MAP4K4: variants seen among roughly 807,000 people sequenced by gnomAD.
MAP4K4 encodes mitogen-activated protein kinase kinase kinase kinase 4.
Under a neutral mutation model 189.6 loss-of-function variants are expected in MAP4K4, and 38 were observed. That is an observed-to-expected ratio of 0.20 (90% confidence interval 0.15 to 0.26). MAP4K4 has a LOEUF of 0.26. MAP4K4 is among the 10% of genes least tolerant of loss of function. The pLI, the probability that MAP4K4 is intolerant of heterozygous loss-of-function variation, is 1.00. For missense variants in MAP4K4, 1,054 were observed against 1,726.9 expected (o/e 0.61, Z 6.91); for synonymous variants, 610 against 624.3 (o/e 0.98, Z 0.34).
intron 2 of MAP4K4, among the ~76,000 whole-genome samples, chr2:101,746,708 G>A (rs938481230): frequency 3.9e-5 from 6 of 152,056 alleles, no homozygotes; most frequent in South Asian, 2.1e-4. Flanking sequence ...ATTACATTTC[G>A]CTTCTGAGAA....
Position 101,868,017 on chromosome 2 carries a change from G to A in MAP4K4, c.2455-12G>A, listed in dbSNP as rs757462776. On this transcript the variant is annotated splice_polypyrimidine_tract_variant and intron_variant, in intron 20 of 32. Coordinates refer to ENST00000324219, the Ensembl canonical transcript of MAP4K4. ...GGCTTCTCGGACTCCACGAAACTGC[G>A]CTGTACTGAAGGGCGAAGTGGTAAG... 12 of 1,613,076 alleles carry A rather than the reference G, an allele frequency of 7.4e-6. No individual in the cohort carries two copies. The highest frequency in any genetic ancestry group is 1.3e-5 in the African/African-American group (1 of 74,830).
At chr2:101,825,505 CTTCTTTGCAT>C (rs1392460979) in intron 5 of MAP4K4, 76 bp downstream of exon 5, 4 of 873,120 alleles carry the variant, frequency 4.6e-6, no homozygotes, top group Admixed American at 4.5e-5. Flanking sequence ...GCCCCAAGTA[CTTCTTTGCAT>C]TACTTATATC....
At chr2:101,808,779 G>A (rs141215641) in intron 3 of MAP4K4, among the ~76,000 whole-genome samples, 35 of 151,910 alleles carry the variant, frequency 2.3e-4, no homozygotes, top group African/African-American at 8.2e-4. Context: ...AAGCATTAAT[G>A]TATATTTTTT....
At chr2:101,836,575 C>T (rs893884767) in intron 9 of MAP4K4, among the ~76,000 whole-genome samples, 11 of 151,330 alleles carry the variant, frequency 7.3e-5, no homozygotes, top group South Asian at 2.1e-4. Flanking sequence ...GTAACAAGAG[C>T]GAAACTCTGT....
chr2:101,752,481 T>A (rs192054255), intron 2 of MAP4K4, among the ~76,000 whole-genome samples: 142 of 152,302 alleles, frequency 9.3e-4, no homozygotes, highest in African/African-American at 3.3e-3. Flanking sequence ...TTTTCTCATA[T>A]CCTTATTCAT....
chr2:101,788,276 A>G (rs1323063568), intron 2 of MAP4K4, among the ~76,000 whole-genome samples: 2 of 152,202 alleles, frequency 1.3e-5, no homozygotes, highest in African/African-American at 4.8e-5. Context: ...TTGGAGTGGA[A>G]TGAGGATGAA....
chr2:101,707,192 C>A (rs957900723), intron 2 of MAP4K4, among the ~76,000 whole-genome samples: 4 of 151,818 alleles, frequency 2.6e-5, no homozygotes, highest in Non-Finnish European at 4.4e-5. Context: ...AGTTACTACT[C>A]CATCCACTTT....
chr2:101,864,549 CTTGCTTCCTGCTAGTCT>C (rs1388613457), intron 17 of MAP4K4, among the ~76,000 whole-genome samples: 2 of 152,180 alleles, frequency 1.3e-5, no homozygotes, highest in Non-Finnish European at 2.9e-5. Flanking sequence ...TGAATATTTT[CTTGCTTCCTGCTAGTCT>C]TTGCTTCCTG....
chr2:101,854,697 G>A (rs2097393160), intron 12 of MAP4K4, among the ~76,000 whole-genome samples: 1 of 152,150 alleles, frequency 6.6e-6, no homozygotes. Context: ...TAATAAATAT[G>A]TACTTTGTGT....
chr2:101,810,510 A>C (rs904166405), intron 3 of MAP4K4, among the ~76,000 whole-genome samples: 1 of 152,118 alleles, frequency 6.6e-6, no homozygotes, highest in African/African-American at 2.4e-5. Flanking sequence ...AAAATTCACA[A>C]TACCATTTAA....
At chr2:101,800,607 TATG>T (rs1430110721) in intron 3 of MAP4K4, among the ~76,000 whole-genome samples, 1 of 152,180 alleles carries the variant, frequency 6.6e-6, no homozygotes, top group Non-Finnish European at 1.5e-5. Flanking sequence ...TTATTGAAAA[TATG>T]ACTACTAATT....
At chr2:101,778,022 G>A (rs2085206886) in intron 2 of MAP4K4, among the ~76,000 whole-genome samples, 1 of 152,174 alleles carries the variant, frequency 6.6e-6, no homozygotes, top group African/African-American at 2.4e-5. Context: ...TCAATTCAGT[G>A]TTCTATTTCT....
chr2:101,878,768 TATG>T (rs1284843184), intron 27 of MAP4K4, among the ~76,000 whole-genome samples: 3 of 152,208 alleles, frequency 2.0e-5, no homozygotes, highest in Non-Finnish European at 4.4e-5. Flanking sequence ...TATAATCACT[TATG>T]ATACCACCAG....
At chr2:101,809,551 A>C (rs2095278616) in intron 3 of MAP4K4, among the ~76,000 whole-genome samples, 1 of 152,204 alleles carries the variant, frequency 6.6e-6, no homozygotes, top group Admixed American at 6.5e-5. Context: ...CATATTACTT[A>C]GAAAAGGCCT....
intron 2 of MAP4K4, 72 bp downstream of exon 2, chr2:101,698,610 T>G: frequency 7.7e-6 from 11 of 1,436,894 alleles, no homozygotes; most frequent in South Asian, 2.3e-5. Flanking sequence ...GAGAGGGTGA[T>G]AAACATGCTG....
At chr2:101,815,747 C>T (rs1227114125) in intron 3 of MAP4K4, among the ~76,000 whole-genome samples, 5 of 152,176 alleles carry the variant, frequency 3.3e-5, no homozygotes, top group African/African-American at 7.2e-5. Context: ...GCTTATTTGG[C>T]CCCACTATCG....
At chr2:101,721,989 T>G (rs2052443494) in intron 2 of MAP4K4, among the ~76,000 whole-genome samples, 1 of 152,194 alleles carries the variant, frequency 6.6e-6, no homozygotes, top group Non-Finnish European at 1.5e-5. Context: ...CTGCAGCTGA[T>G]GAACAGAGTG....
At chr2:101,743,895 T>C (rs2063930049) in intron 2 of MAP4K4, among the ~76,000 whole-genome samples, 1 of 152,176 alleles carries the variant, frequency 6.6e-6, no homozygotes, top group South Asian at 2.1e-4. Context: ...TGACCTCAGG[T>C]GATCCGCCCT....
chr2:101,704,559 A>ATTTTTTTTTTT (rs2040991788), intron 2 of MAP4K4, among the ~76,000 whole-genome samples: 1 of 64,136 alleles, frequency 1.6e-5, no homozygotes, highest in Non-Finnish European at 2.6e-5. Flanking sequence ...ATATATATAT[A>ATTTTTTTTTTT]TATATATATT....
Sources: allele counts gnomAD v4.1 joint callset (sites outside exome capture counted in the v4.1 genomes callset), GRCh38; gene constraint gnomAD v4.1.1; transcripts MANE v1.5; gene names NCBI Gene and HGNC (gene_info 2026-07-23, HGNC 2026-07-21).